FBLN7: variants seen among roughly 807,000 people sequenced by gnomAD.
The protein encoded by FBLN7 is fibulin 7, also known as fibulin-7.
A neutral mutation model predicts 44.0 loss-of-function variants in FBLN7; 31 were observed. The ratio of observed to expected loss-of-function variants is 0.70; its 90% CI spans 0.53 to 0.95. The LOEUF is 0.95. Among genes scored for constraint, FBLN7 ranks in the 40% least tolerant of loss-of-function variants. The pLI, the probability that FBLN7 is intolerant of heterozygous loss-of-function variation, is 0.00. For missense variants in FBLN7, 573 were observed against 618.5 expected (o/e 0.93, Z 0.78); for synonymous variants, 262 against 253.4 (o/e 1.03, Z -0.32).
intron 1 of FBLN7, among the ~76,000 whole-genome samples, chr2:112,138,977 T>C (rs1573749023): frequency 1.9e-5 from 2 of 104,546 alleles, no homozygotes; most frequent in African/African-American, 8.0e-5. Context: ...CCCTCCCGCC[T>C]CTCTCCAGGC....
At chr2:112,182,338 C>T (rs1455750561) in intron 5 of FBLN7, among the ~76,000 whole-genome samples, 1 of 152,184 alleles carries the variant, frequency 6.6e-6, no homozygotes, top group Non-Finnish European at 1.5e-5. Context: ...CCCCAAACAA[C>T]GCAAAGCAGG....
Position 112,187,339 on chromosome 2 carries a change from G to T in FBLN7, c.1153G>T (p.Val385Leu). ...GGGTGGGAACAGCCGCGGCCACTTT[G>T]TGATGCAGCGTTCAGACCGGCAGAC... ...IVGGNSRGHF[V>L]MQRSDRQTGD... The change falls in exon 8 of 8, where the codon GTG becomes TTG. Residue 385 changes from valine (V) to leucine (L), a missense_variant. Val to Leu is a conservative substitution (Grantham distance 32). Transcript: ENST00000331203. This position sits in a 1 kb window ranked among gnomAD's most constrained non-coding sequence, Gnocchi z 5.1. The T allele has an allele frequency of 6.2e-7, 1 of 1,614,194 alleles. No individual in the cohort carries two copies. Among genetic ancestry groups the T allele is most frequent in the East Asian group, 2.2e-5 (1 of 44,878 alleles).
At chr2:112,160,764 G>GCA (rs201436603) in intron 2 of FBLN7, among the ~76,000 whole-genome samples, 33 of 38,100 alleles carry the variant, frequency 8.7e-4, no homozygotes, top group African/African-American at 2.9e-3. Flanking sequence ...ACACACGCAC[G>GCA]CACACGCAGA....
At chr2:112,141,046 C>G (rs2104530915) in intron 1 of FBLN7, among the ~76,000 whole-genome samples, 1 of 152,312 alleles carries the variant, frequency 6.6e-6, no homozygotes, top group South Asian at 2.1e-4. Context: ...AGCAGAGTAG[C>G]CCTGGCAAGC....
At chr2:112,145,282 T>G (rs966948114) in intron 1 of FBLN7, among the ~76,000 whole-genome samples, 23 of 151,272 alleles carry the variant, frequency 1.5e-4, no homozygotes, top group African/African-American at 5.6e-4. Context: ...ATTTAAAAAA[T>G]TGATTGTTTG....
At chr2:112,211,754 T>A in the FBLN7 span, 1 of 86,902 alleles carries the variant, frequency 1.2e-5, no homozygotes, top group African/African-American at 2.8e-5. Flanking sequence ...AAAACATGTC[T>A]TTTTTTTTCT....
chr2:112,160,137 C>T (rs2104563048), intron 2 of FBLN7, among the ~76,000 whole-genome samples: 1 of 152,254 alleles, frequency 6.6e-6, no homozygotes, highest in Admixed American at 6.5e-5. Context: ...ACTACAGGCG[C>T]CCGCCACCAC....
chr2:112,187,959 T>C lies in FBLN7; in HGVS notation c.*453T>C. ...GGCCCTAGTCATGCCTCTGCGCATGTGGCATAGGAAGTGGAGTCTCCTCCC... is the reference window on the plus strand; with the variant it reads ...GGCCCTAGTCATGCCTCTGCGCATGCGGCATAGGAAGTGGAGTCTCCTCCC... On this transcript the variant is annotated 3_prime_UTR_variant, in exon 8 of 8. Coordinates refer to ENST00000331203, the MANE Select transcript of FBLN7 (RefSeq NM_153214.3). The surrounding 1 kb of genome is among the most constrained non-coding windows in gnomAD (Gnocchi z 5.1). 1 of 195,782 alleles carries C rather than the reference T, an allele frequency of 5.1e-6. No homozygotes were observed. Among genetic ancestry groups the C allele is most frequent in the South Asian group, 1.3e-4 (1 of 7,468 alleles). 12.1% of individuals were successfully genotyped at this position (195,782 alleles called of 1,614,324 possible). A position where few individuals can be genotyped will look rare whatever the true frequency, so the allele number is the denominator to read the frequency against.
At chr2:112,241,445 C>G in the FBLN7 span, among the ~76,000 whole-genome samples, 7 of 152,132 alleles carry the variant, frequency 4.6e-5, no homozygotes, top group Middle Eastern at 3.2e-3. Flanking sequence ...AGAGACCCCC[C>G]CCTCAAGGGC....
intron 3 of FBLN7, among the ~76,000 whole-genome samples, chr2:112,171,907 C>T (rs185674159): frequency 1.4e-4 from 21 of 152,164 alleles, no homozygotes; most frequent in Admixed American, 9.2e-4. Context: ...CCACCATACC[C>T]GGCTAATTTT....
the FBLN7 span, chr2:112,214,645 G>A: frequency 3.3e-5 from 5 of 152,272 alleles, no homozygotes; most frequent in Middle Eastern, 0.01. Context: ...AATGGCTCTT[G>A]GTTCAGGGAA....
At chr2:112,241,380 T>G in the FBLN7 span, among the ~76,000 whole-genome samples, 1 of 152,118 alleles carries the variant, frequency 6.6e-6, no homozygotes, top group African/African-American at 2.4e-5. Context: ...CAACCCCTAC[T>G]AGAAAAATAC....
intron 2 of FBLN7, among the ~76,000 whole-genome samples, chr2:112,163,189 G>A (rs113592905): frequency 0.025 from 3,745 of 152,266 alleles, 161 homozygotes; most frequent in African/African-American, 0.083. Context: ...CCTAGGTTGT[G>A]TCCGGCCCAG....
chr2:112,149,976 G>C lies in FBLN7; in HGVS notation c.76-9700G>C, dbSNP rs188887884. On this transcript the variant is annotated intron_variant, in intron 1 of 7. Coordinates refer to ENST00000331203, the MANE Select transcript of FBLN7 (RefSeq NM_153214.3). Reference sequence around the variant, plus strand: ...ACTCAGCGTGGGGCTGGGTGCCTAAGTACTAAGATTGAGACATGACAGTTG... The same window carrying C: ...ACTCAGCGTGGGGCTGGGTGCCTAACTACTAAGATTGAGACATGACAGTTG... Among the ~76,000 whole-genome samples the C allele has an allele frequency of 2.0e-5, 3 of 152,326 alleles. No homozygotes were observed. The East Asian group carries it at 5.8e-4, about 29-fold the overall frequency.
chr2:112,204,560 A>T, the FBLN7 span, among the ~76,000 whole-genome samples: 1 of 152,164 alleles, frequency 6.6e-6, no homozygotes, highest in Non-Finnish European at 1.5e-5. Context: ...AACTAGTAAG[A>T]GAAAAGACTT....
chr2:112,167,259 T>C (rs1490102742), intron 3 of FBLN7, among the ~76,000 whole-genome samples: 4 of 152,178 alleles, frequency 2.6e-5, no homozygotes, highest in Non-Finnish European at 5.9e-5. Flanking sequence ...GAATGCCTTT[T>C]TAGGGAGATA....
chr2:112,147,161 G>T (rs570440676), intron 1 of FBLN7, among the ~76,000 whole-genome samples: 6 of 152,324 alleles, frequency 3.9e-5, no homozygotes, highest in African/African-American at 1.4e-4. Flanking sequence ...ATTTACCAAT[G>T]AAACCATGTG....
chr2:112,233,209 A>T, the FBLN7 span: 1 of 1,304,826 alleles, frequency 7.7e-7, no homozygotes. Context: ...GCACATTTAA[A>T]ATGTTCATGT....
chr2:112,143,356 C>G (rs1680745349), intron 1 of FBLN7, among the ~76,000 whole-genome samples: 2 of 152,164 alleles, frequency 1.3e-5, no homozygotes, highest in Non-Finnish European at 2.9e-5. Context: ...GGGATGCGGG[C>G]TCCCGGCCAC....
Sources: allele counts gnomAD v4.1 joint callset (sites outside exome capture counted in the v4.1 genomes callset), GRCh38; gene constraint gnomAD v4.1.1; non-coding constraint Gnocchi (gnomAD v3.1); transcripts MANE v1.5; gene names NCBI Gene and HGNC (gene_info 2026-07-23, HGNC 2026-07-21).